The following QKI variants were observed in gnomAD, a reference collection of about 807,000 sequenced individuals.
QKI encodes QKI, KH domain containing RNA binding.
Under a neutral mutation model 39.0 loss-of-function variants are expected in QKI, and 10 were observed. That is an observed-to-expected ratio of 0.26 (90% confidence interval 0.16 to 0.43). QKI has a LOEUF of 0.43. Among genes scored for constraint, QKI ranks in the 20% least tolerant of loss-of-function variants. The pLI, the probability that QKI is intolerant of heterozygous loss-of-function variation, is 1.00. For missense variants in QKI, 218 were observed against 428.0 expected (o/e 0.51, Z 4.33); for synonymous variants, 204 against 155.4 (o/e 1.31, Z -2.33).
At chr6:163,560,017 C>T (rs558559185) in intron 4 of QKI, among the ~76,000 whole-genome samples, 3 of 152,276 alleles carry the variant, frequency 2.0e-5, no homozygotes, top group Admixed American at 2.0e-4. Context: ...GGACCCTCAT[C>T]TACTGCTTGC....
intron 3 of QKI, among the ~76,000 whole-genome samples, chr6:163,479,102 A>G (rs1013931909): frequency 3.5e-5 from 5 of 144,342 alleles, no homozygotes; most frequent in African/African-American, 1.3e-4. Flanking sequence ...CCTAGCCAAC[A>G]TGGTGAAACC....
At chr6:163,557,850 A>G (rs1782735020) in intron 4 of QKI, among the ~76,000 whole-genome samples, 1 of 152,072 alleles carries the variant, frequency 6.6e-6, no homozygotes. Context: ...GTGACTGGAT[A>G]TTGCACTTAA....
intron 1 of QKI, among the ~76,000 whole-genome samples, chr6:163,429,280 T>C (rs966999289): frequency 6.6e-6 from 1 of 152,142 alleles, no homozygotes; most frequent in African/African-American, 2.4e-5. Flanking sequence ...AACTAAAATA[T>C]ATCAATTAAA....
At chr6:163,475,464 T>C (rs1341240671) in intron 2 of QKI, among the ~76,000 whole-genome samples, 1 of 152,222 alleles carries the variant, frequency 6.6e-6, no homozygotes, top group Admixed American at 6.5e-5. Flanking sequence ...GCATAGGTTA[T>C]GTGCAAATAT....
In QKI at chr6:163,570,884, T is replaced by G; in HGVS notation, c.*174T>G. ...ACAAAAGACAAAGAAATTGTTGTCC[T>G]CCAACTCAGCTTTTTTTTTTTTTTT... On this transcript the variant is annotated 3_prime_UTR_variant, in exon 8 of 8. Transcript: ENST00000361752. 5.9e-6 allele frequency: 4 copies of G among 678,462 alleles called. No homozygotes were observed. Among genetic ancestry groups the G allele is most frequent in the Non-Finnish European group, 9.3e-6 (4 of 431,304 alleles). 42.0% of individuals were successfully genotyped at this position (678,462 alleles called of 1,614,324 possible).
intron 3 of QKI, among the ~76,000 whole-genome samples, chr6:163,511,241 G>C (rs1421495286): frequency 6.6e-6 from 1 of 151,946 alleles, no homozygotes; most frequent in Non-Finnish European, 1.5e-5. Context: ...AGCAGTGTTT[G>C]GAGGAAATTT....
At chr6:163,458,237 CTT>C (rs1791077316) in intron 2 of QKI, among the ~76,000 whole-genome samples, 1 of 152,156 alleles carries the variant, frequency 6.6e-6, no homozygotes, top group Non-Finnish European at 1.5e-5. Context: ...TGTTTTGTGA[CTT>C]TAAGCAAATT....
rs1264795113 is a variant in QKI at position 163,576,788 on chromosome 6, T to C, written c.*6078T>C. The C allele has an allele frequency of 6.6e-6, 1 of 152,178 alleles. No individual in the cohort carries two copies. The highest frequency in any genetic ancestry group is 1.5e-5 in the Non-Finnish European group (1 of 68,032). The allele number at this position is 152,178 out of a possible 1,614,324, so 9.4% of individuals were successfully genotyped here. ...TAAAGAACGCACACTTTCAATTTTA[T>C]TGAGGCTTTCAACACTATTTAAAAG... On this transcript the variant is annotated 3_prime_UTR_variant, in exon 8 of 8. Coordinates refer to ENST00000361752, the MANE Select transcript of QKI (RefSeq NM_006775.3).
At chr6:163,500,650 C>T (rs186660827) in intron 3 of QKI, among the ~76,000 whole-genome samples, 42 of 151,962 alleles carry the variant, frequency 2.8e-4, no homozygotes, top group African/African-American at 3.6e-4. Flanking sequence ...TATTTTCTGA[C>T]GTAGAGGAGC....
chr6:163,576,406 T>A lies in QKI; in HGVS notation c.*5696T>A, dbSNP rs998001011. On this transcript the variant is annotated 3_prime_UTR_variant, in exon 8 of 8. Transcript: ENST00000361752. ...GTGTTGATTCCACATTATAATGTTGTTGCCTCTTCTTGGCAAAAGACACCA... is the reference window on the plus strand; with the variant it reads ...GTGTTGATTCCACATTATAATGTTGATGCCTCTTCTTGGCAAAAGACACCA... 2.0e-5 allele frequency: 3 copies of A among 152,114 alleles called. No individual in the cohort carries two copies. The highest frequency in any genetic ancestry group is 4.4e-5 in the Non-Finnish European group (3 of 68,020). The allele number at this position is 152,114 out of a possible 1,614,324, so 9.4% of individuals were successfully genotyped here. A position where few individuals can be genotyped will look rare whatever the true frequency, so the allele number is the denominator to read the frequency against.
intron 1 of QKI, among the ~76,000 whole-genome samples, chr6:163,425,064 A>T (rs929424163): frequency 7.2e-5 from 11 of 152,230 alleles, no homozygotes; most frequent in African/African-American, 2.7e-4. Flanking sequence ...GCTAGTTTTT[A>T]TGTGCATGAG....
At chr6:163,494,651 G>T (rs1311116432) in intron 3 of QKI, among the ~76,000 whole-genome samples, 23 of 120,792 alleles carry the variant, frequency 1.9e-4, no homozygotes, top group African/African-American at 4.4e-4. Context: ...CACGTTTTGG[G>T]TTTTTTTTTT....
chr6:163,457,990 A>G (rs1275148311), intron 2 of QKI, among the ~76,000 whole-genome samples: 1 of 152,186 alleles, frequency 6.6e-6, no homozygotes, highest in East Asian at 1.9e-4. Flanking sequence ...GGAGGAAGGC[A>G]TGAAAACCAT....
At chr6:163,444,807 TTTTC>T (rs1475156791) in intron 1 of QKI, among the ~76,000 whole-genome samples, 11 of 152,204 alleles carry the variant, frequency 7.2e-5, no homozygotes, top group African/African-American at 2.2e-4. Context: ...TTTCCCTCAG[TTTTC>T]TTTATCTTTT....
At chr6:163,461,984 C>T (rs1791389661) in intron 2 of QKI, among the ~76,000 whole-genome samples, 2 of 151,994 alleles carry the variant, frequency 1.3e-5, no homozygotes, top group Non-Finnish European at 2.9e-5. Flanking sequence ...TCAGTTTGGG[C>T]GGAAAAGTAC....
chr6:163,427,243 CTTTTT>C (rs11375326), intron 1 of QKI, among the ~76,000 whole-genome samples: 37 of 85,780 alleles, frequency 4.3e-4, no homozygotes, highest in Admixed American at 1.2e-3. Context: ...ATACTCGTAC[CTTTTT>C]TTTTTTTTTT....
chr6:163,535,217 T>C (rs1370713282), intron 4 of QKI, 92 bp downstream of exon 4: 5 of 1,260,684 alleles, frequency 4.0e-6, no homozygotes, highest in Non-Finnish European at 5.3e-6. Flanking sequence ...GAATAGGTTA[T>C]TGGTTGTTAG....
intron 4 of QKI, among the ~76,000 whole-genome samples, chr6:163,561,570 A>G (rs980563809): frequency 1.3e-5 from 2 of 152,172 alleles, no homozygotes; most frequent in East Asian, 1.9e-4. Flanking sequence ...ATCATGCCAC[A>G]GCACTCCAGC....
At chr6:163,524,948 G>C (rs903072247) in intron 3 of QKI, among the ~76,000 whole-genome samples, 1 of 152,110 alleles carries the variant, frequency 6.6e-6, no homozygotes, top group Non-Finnish European at 1.5e-5. Context: ...TGTCTCTTTT[G>C]TAGATGAGGA....
Sources: allele counts gnomAD v4.1 joint callset (sites outside exome capture counted in the v4.1 genomes callset), GRCh38; gene constraint gnomAD v4.1.1; transcripts MANE v1.5; gene names NCBI Gene and HGNC (gene_info 2026-07-23, HGNC 2026-07-21).